Variants in MAF observed in about 807,000 individuals in gnomAD.
MAF encodes transcription factor Maf.
In MAF, 10 loss-of-function variants were observed where a neutral mutation model predicts 22.0. That is an observed-to-expected ratio of 0.45 (90% CI 0.28 to 0.77). The LOEUF (loss-of-function observed/expected upper bound fraction) is 0.77. Among genes scored for constraint, MAF ranks in the 30% least tolerant of loss-of-function variants. The pLI is 0.12. For missense variants in MAF, 544 were observed against 548.4 expected (o/e 0.99, Z 0.08); for synonymous variants, 337 against 255.8 (o/e 1.32, Z -3.03).
At chr16:79,274,100 A>G in the MAF span, among the ~76,000 whole-genome samples, 1 of 151,834 alleles carries the variant, frequency 6.6e-6, no homozygotes, top group South Asian at 2.1e-4. Context: ...GATTACAGGT[A>G]TGCGCCACCA....
the MAF span, among the ~76,000 whole-genome samples, chr16:79,343,693 G>A: frequency 1.2e-4 from 19 of 152,156 alleles, no homozygotes; most frequent in African/African-American, 4.6e-4. Context: ...TCAATAATCT[G>A]TAAAATGTCA....
the MAF span, among the ~76,000 whole-genome samples, chr16:79,481,201 C>T: frequency 6.6e-6 from 1 of 150,882 alleles, no homozygotes; most frequent in Admixed American, 6.6e-5. Context: ...CGGGAACTCA[C>T]ACTCCTTTAC....
chr16:79,263,145 C>A, the MAF span, among the ~76,000 whole-genome samples: 661 of 152,286 alleles, frequency 4.3e-3, 3 homozygotes, highest in African/African-American at 0.015. Flanking sequence ...GTGAACTAGG[C>A]AGACACGGCC....
the MAF span, among the ~76,000 whole-genome samples, chr16:79,222,772 A>G: frequency 8.2e-3 from 1,252 of 152,330 alleles, 22 homozygotes; most frequent in African/African-American, 0.029. Flanking sequence ...AAAGAGACAA[A>G]GAAGGGCATT....
At chr16:79,357,039 C>T in the MAF span, among the ~76,000 whole-genome samples, 72,393 of 151,966 alleles carry the variant, frequency 0.48, 17,888 homozygotes, top group African/African-American at 0.59. Flanking sequence ...GCTGGATCAT[C>T]TGAGGTCAGG....
the MAF span, among the ~76,000 whole-genome samples, chr16:79,390,575 C>T: frequency 1.3e-5 from 2 of 152,164 alleles, no homozygotes; most frequent in Non-Finnish European, 2.9e-5. Context: ...ACAGACTGCT[C>T]TGAAAACCAA....
chr16:79,216,691 T>C, the MAF span, among the ~76,000 whole-genome samples: 2 of 152,178 alleles, frequency 1.3e-5, no homozygotes. Flanking sequence ...TTGACTTATA[T>C]TTTCAACTTA....
At chr16:79,429,405 C>T in the MAF span, among the ~76,000 whole-genome samples, 2 of 152,180 alleles carry the variant, frequency 1.3e-5, no homozygotes, top group Admixed American at 6.5e-5. Context: ...GCTTCATCTA[C>T]GCAGCGTTTT....
At chr16:79,436,435 C>G in the MAF span, among the ~76,000 whole-genome samples, 1 of 152,160 alleles carries the variant, frequency 6.6e-6, no homozygotes, top group Non-Finnish European at 1.5e-5. Flanking sequence ...TGCAAAACAC[C>G]TACTGTGCAT....
At chr16:79,337,633 T>A in the MAF span, among the ~76,000 whole-genome samples, 1 of 151,860 alleles carries the variant, frequency 6.6e-6, no homozygotes, top group African/African-American at 2.4e-5. Flanking sequence ...CCAGAAACCA[T>A]CTCCATCGTC....
chr16:79,446,557 G>C, the MAF span, among the ~76,000 whole-genome samples: 4 of 152,122 alleles, frequency 2.6e-5, no homozygotes, highest in Non-Finnish European at 5.9e-5. Context: ...CTTTACAAAA[G>C]CTAAAGCCCC....
the MAF span, among the ~76,000 whole-genome samples, chr16:79,319,671 T>C: frequency 1.3e-5 from 2 of 151,614 alleles, no homozygotes; most frequent in African/African-American, 2.4e-5. Context: ...TTGATTTATG[T>C]ATTTGCATAT....
the MAF span, among the ~76,000 whole-genome samples, chr16:79,558,611 G>A: frequency 1.3e-5 from 2 of 152,314 alleles, no homozygotes; most frequent in South Asian, 4.1e-4. Context: ...GGATAGCTGT[G>A]CCCCTGGAAG....
the MAF span, among the ~76,000 whole-genome samples, chr16:79,456,264 G>C: frequency 3.9e-5 from 6 of 152,044 alleles, no homozygotes; most frequent in East Asian, 1.2e-3. Context: ...TATGGGGAGC[G>C]ATCTAATTAT....
the MAF span, among the ~76,000 whole-genome samples, chr16:79,313,693 C>T: frequency 8.5e-5 from 13 of 152,126 alleles, no homozygotes; most frequent in African/African-American, 3.1e-4. Flanking sequence ...TTTAGCCTTG[C>T]TTCTGTGGAA....
At chr16:79,324,186 T>G in the MAF span, among the ~76,000 whole-genome samples, 5 of 152,314 alleles carry the variant, frequency 3.3e-5, no homozygotes, top group East Asian at 9.6e-4. Context: ...TGGGCATGAG[T>G]AGCGCCCATT....
the MAF span, among the ~76,000 whole-genome samples, chr16:79,488,082 T>A: frequency 6.6e-6 from 1 of 152,186 alleles, no homozygotes; most frequent in African/African-American, 2.4e-5. Context: ...AAAAAATCTG[T>A]CCCTGGAGAC....
chr16:79,268,630 C>T, the MAF span, among the ~76,000 whole-genome samples: 2 of 152,148 alleles, frequency 1.3e-5, no homozygotes, highest in Non-Finnish European at 2.9e-5. Context: ...TGGCATTTCT[C>T]AGCTAAATGA....
the MAF span, among the ~76,000 whole-genome samples, chr16:79,296,734 G>C: frequency 2.0e-5 from 3 of 151,902 alleles, no homozygotes; most frequent in Non-Finnish European, 4.4e-5. Flanking sequence ...TCAGGCCTCA[G>C]AACTGGCCCT....
Sources: allele counts gnomAD v4.1 joint callset (sites outside exome capture counted in the v4.1 genomes callset), GRCh38; gene constraint gnomAD v4.1.1; transcripts MANE v1.5; gene names NCBI Gene and HGNC (gene_info 2026-07-23, HGNC 2026-07-21).